The following UXS1 variants were observed in gnomAD, a reference collection of about 807,000 sequenced individuals.
The protein encoded by UXS1 is UDP-glucuronate decarboxylase 1.
Under a neutral mutation model 62.6 loss-of-function variants are expected in UXS1, and 33 were observed. That is an observed-to-expected ratio of 0.53 (90% CI 0.40 to 0.70). UXS1 has a LOEUF of 0.70. Ranked by LOEUF, UXS1 falls within the 30% of genes least tolerant of loss-of-function variation. The pLI, the probability that UXS1 is intolerant of heterozygous loss-of-function variation, is 0.00. For synonymous variants in UXS1, 213 were observed against 206.8 expected (o/e 1.03, Z -0.26); for missense variants, 434 against 556.3 (o/e 0.78, Z 2.21).
At chr2:106,138,288 G>A in intron 6 of UXS1, 2 of 985,454 alleles carry the variant, frequency 2.0e-6, no homozygotes, top group Non-Finnish European at 2.4e-6. Context: ...ATAATCCCTT[G>A]CCTGCACCAC....
At chr2:106,142,272 A>G (rs963619555) in intron 6 of UXS1, among the ~76,000 whole-genome samples, 1 of 152,250 alleles carries the variant, frequency 6.6e-6, no homozygotes, top group Non-Finnish European at 1.5e-5. Flanking sequence ...TATTTTCATC[A>G]TCAGGAAAAA....
intron 9 of UXS1, among the ~76,000 whole-genome samples, chr2:106,118,402 T>G (rs1310648006): frequency 6.6e-6 from 1 of 151,626 alleles, no homozygotes; most frequent in Non-Finnish European, 1.5e-5. Flanking sequence ...AGGCTTGTTT[T>G]GCAGATCCAG....
At position 106,117,359 on chromosome 2, in the gene UXS1, T is replaced by G. The variant is rs879147026; in HGVS notation, c.760-4594A>C. 2.0e-5 allele frequency among the ~76,000 whole-genome samples: 3 copies of G among 152,356 alleles called. No individual in the cohort carries two copies. The South Asian group carries it at 6.2e-4, about 32-fold the overall frequency. Reference sequence around the variant, plus strand: ...GTGTTTTAGTCTTTATTTAGAATTTTGGTGATGTTTTTGTGACCAGAAATA... The same window carrying G: ...GTGTTTTAGTCTTTATTTAGAATTTGGGTGATGTTTTTGTGACCAGAAATA... On this transcript the variant is annotated intron_variant, in intron 9 of 14. Transcript: ENST00000283148.
chr2:106,159,054 C>T (rs1573536137), intron 4 of UXS1: 2 of 152,200 alleles, frequency 1.3e-5, no homozygotes, highest in Non-Finnish European at 1.5e-5. Flanking sequence ...AAACTCAAGC[C>T]GCCGAGTTCT....
intron 6 of UXS1, 86 bp from the exon 7 acceptor site, chr2:106,129,864 G>GT (rs1161157266): frequency 1.4e-6 from 1 of 706,500 alleles, no homozygotes; most frequent in Non-Finnish European, 2.3e-6. Context: ...TATAATAAAC[G>GT]TATTAGTATA....
At chr2:106,189,362 T>C (rs1345352076) in intron 1 of UXS1, among the ~76,000 whole-genome samples, 1 of 152,050 alleles carries the variant, frequency 6.6e-6, no homozygotes, top group African/African-American at 2.4e-5. Context: ...ACAACCAAGA[T>C]TTATTCTTCA....
At chr2:106,127,945 T>C (rs1238322993) in intron 7 of UXS1, among the ~76,000 whole-genome samples, 1 of 152,158 alleles carries the variant, frequency 6.6e-6, no homozygotes, top group Non-Finnish European at 1.5e-5. Context: ...CTACTAGGTA[T>C]CATCGACGCT....
intron 10 of UXS1, among the ~76,000 whole-genome samples, chr2:106,110,623 G>A (rs1573420357): frequency 6.6e-6 from 1 of 152,194 alleles, no homozygotes; most frequent in Non-Finnish European, 1.5e-5. Flanking sequence ...TGAGATGATA[G>A]TAAGTTTCAC....
chr2:106,164,428 A>T (rs1291320399), intron 3 of UXS1, among the ~76,000 whole-genome samples: 1 of 152,034 alleles, frequency 6.6e-6, no homozygotes, highest in Admixed American at 6.6e-5. Context: ...CAGTGAGAGG[A>T]TGTTTGTACT....
At chr2:106,126,339 C>T (rs755464756) in intron 7 of UXS1, among the ~76,000 whole-genome samples, 4 of 152,142 alleles carry the variant, frequency 2.6e-5, no homozygotes, top group Non-Finnish European at 4.4e-5. Flanking sequence ...TGGTTCACTA[C>T]AGGATCCAAG....
rs899485860 is a variant in UXS1, at chr2:106,093,775, G to C, written c.*251C>G. 3.3e-5 allele frequency: 13 copies of C among 397,350 alleles called. No individual in the cohort carries two copies. The highest frequency in any genetic ancestry group is 4.8e-5 in the Non-Finnish European group (11 of 230,450). 24.6% of individuals were successfully genotyped at this position (397,350 alleles called of 1,614,324 possible). A position where few individuals can be genotyped will look rare whatever the true frequency, so the allele number is the denominator to read the frequency against. ...CTCTCACAGCAAGATAAAAAAACTT[G>C]AAAATACGCAGAGATGCATCTACGC... On this transcript the variant is annotated 3_prime_UTR_variant, in exon 15 of 15. Coordinates refer to ENST00000283148, the MANE Select transcript of UXS1 (RefSeq NM_001253875.2).
intron 9 of UXS1, among the ~76,000 whole-genome samples, chr2:106,117,197 AG>A (rs1679128825): frequency 6.6e-6 from 1 of 152,228 alleles, no homozygotes; most frequent in African/African-American, 2.4e-5. Context: ...CATACTGTCC[AG>A]GGCAGGCTGC....
chr2:106,188,810 C>T (rs540332426), intron 1 of UXS1, among the ~76,000 whole-genome samples: 8 of 152,230 alleles, frequency 5.3e-5, no homozygotes, highest in Admixed American at 3.9e-4. Context: ...CACACAGAAA[C>T]GGGAAGGCAG....
chr2:106,119,309 G>A (rs964398225), intron 9 of UXS1, among the ~76,000 whole-genome samples: 2 of 152,160 alleles, frequency 1.3e-5, no homozygotes, highest in Non-Finnish European at 2.9e-5. Flanking sequence ...GGACAGCCAG[G>A]GAGTGTGGGG....
At chr2:106,122,284 T>C (rs994949626) in intron 9 of UXS1, among the ~76,000 whole-genome samples, 1 of 152,224 alleles carries the variant, frequency 6.6e-6, no homozygotes, top group Admixed American at 6.5e-5. Flanking sequence ...GAATGGGATA[T>C]CCTGTGCCCA....
chr2:106,149,051 C>T (rs1042681456), intron 5 of UXS1, among the ~76,000 whole-genome samples: 5 of 152,160 alleles, frequency 3.3e-5, no homozygotes, highest in African/African-American at 1.2e-4. Context: ...TATTTCAAAG[C>T]AAGTCTCCTC....
intron 7 of UXS1, among the ~76,000 whole-genome samples, chr2:106,127,221 G>T (rs1680031906): frequency 6.6e-6 from 1 of 152,186 alleles, no homozygotes; most frequent in Non-Finnish European, 1.5e-5. Flanking sequence ...AGGTTTTCAT[G>T]TGAACATAAA....
At chr2:106,138,379 A>G in intron 6 of UXS1, 1 of 985,568 alleles carries the variant, frequency 1.0e-6, no homozygotes, top group Non-Finnish European at 1.2e-6. Flanking sequence ...ACTGAGCACA[A>G]GATGCAGGCC....
intron 14 of UXS1, among the ~76,000 whole-genome samples, 180 bp from the exon 15 acceptor site, chr2:106,094,337 G>A (rs1051819374): frequency 4.6e-5 from 7 of 150,552 alleles, no homozygotes; most frequent in Non-Finnish European, 1.0e-4. Flanking sequence ...GGCCCACCGA[G>A]AGAAGCCAGA....
Sources: gnomAD v4.1 joint callset for allele counts (sites outside exome capture counted in the v4.1 genomes callset) on GRCh38, gnomAD v4.1.1 for gene constraint, MANE v1.5 for transcripts, NCBI Gene and HGNC (gene_info 2026-07-23, HGNC 2026-07-21) for gene names.